SEPTIN14: variants seen among roughly 807,000 people sequenced by gnomAD.
The protein encoded by SEPTIN14 is septin-14.
A neutral mutation model predicts 53.6 loss-of-function variants in SEPTIN14; 40 were observed. The observed-to-expected ratio is 0.75, with a 90% CI of 0.58 to 0.97. The LOEUF (loss-of-function observed/expected upper bound fraction) is 0.97, where lower values mean the gene tolerates loss of function less well. Ranked by LOEUF, SEPTIN14 falls within the 50% of genes least tolerant of loss-of-function variation. The pLI, the probability that SEPTIN14 is intolerant of heterozygous loss-of-function variation, is 0.00. For missense variants in SEPTIN14, 471 were observed against 508.2 expected, an observed-to-expected ratio of 0.93 and a Z score of 0.70; for synonymous variants, 138 against 166.8, an observed-to-expected ratio of 0.83 and a Z score of 1.33.
chr7:55,842,647 T>A (rs1173531527), intron 5 of SEPTIN14, among the ~76,000 whole-genome samples: 1 of 148,672 alleles, frequency 6.7e-6, no homozygotes, highest in Non-Finnish European at 1.5e-5. Flanking sequence ...GCACGGTGGC[T>A]CACACCTGTA....
chr7:55,810,306 T>G (rs1788678715), intron 7 of SEPTIN14, among the ~76,000 whole-genome samples: 1 of 152,110 alleles, frequency 6.6e-6, no homozygotes, highest in African/African-American at 2.4e-5. Flanking sequence ...CCTTGTGTTA[T>G]TTGTTTTCTT....
intron 6 of SEPTIN14, among the ~76,000 whole-genome samples, chr7:55,834,038 T>G (rs1368852570): frequency 6.6e-6 from 1 of 151,948 alleles, no homozygotes; most frequent in Non-Finnish European, 1.5e-5. Flanking sequence ...ATAGAGAAAC[T>G]AAAGAAGTAA....
chr7:55,793,616 T>C lies in SEPTIN14; in HGVS notation c.*2297A>G, dbSNP rs1260971965. On this transcript the variant is annotated 3_prime_UTR_variant, in exon 10 of 10. Transcript: ENST00000388975. ...GCATAAAATGTAATTATAAATCTGT[T>C]AGGTGGTGTACAATGAATAAAGATA... 2 of 152,200 alleles carry C rather than the reference T, an allele frequency of 1.3e-5. No individual in the cohort carries two copies. Among genetic ancestry groups the C allele is most frequent in the African/African-American group, 2.4e-5 (1 of 41,464 alleles). 9.4% of individuals were successfully genotyped at this position (152,200 alleles called of 1,614,324 possible). A position where few individuals can be genotyped will look rare whatever the true frequency, so the allele number is the denominator to read the frequency against.
intron 9 of SEPTIN14, among the ~76,000 whole-genome samples, chr7:55,803,481 T>C (rs1467994337): frequency 6.6e-6 from 1 of 152,170 alleles, no homozygotes; most frequent in Non-Finnish European, 1.5e-5. Context: ...AGTAAATCAG[T>C]ACAGCTATTA....
At chr7:55,842,548 A>T (rs1201172774) in intron 5 of SEPTIN14, among the ~76,000 whole-genome samples, 2 of 151,492 alleles carry the variant, frequency 1.3e-5, no homozygotes, top group Non-Finnish European at 2.9e-5. Flanking sequence ...GGCTGCAGTG[A>T]GCTATGATGA....
chr7:55,824,133 TC>T (rs1788944999), intron 6 of SEPTIN14, among the ~76,000 whole-genome samples: 1 of 152,178 alleles, frequency 6.6e-6, no homozygotes, highest in African/African-American at 2.4e-5. Flanking sequence ...ATGGAAAGAA[TC>T]AATGAGTTGA....
chr7:55,822,598 C>A (rs1788915895), intron 6 of SEPTIN14, among the ~76,000 whole-genome samples: 2 of 151,998 alleles, frequency 1.3e-5, no homozygotes, highest in East Asian at 3.8e-4. Flanking sequence ...TATGCCTACA[C>A]AAATAAAGTT....
At chr7:55,838,432 A>T (rs1171855072) in intron 5 of SEPTIN14, among the ~76,000 whole-genome samples, 1 of 150,778 alleles carries the variant, frequency 6.6e-6, no homozygotes, top group Admixed American at 6.6e-5. Flanking sequence ...GGCATCCCCC[A>T]TTTTCCACAG....
intron 5 of SEPTIN14, 138 bp from the exon 6 acceptor site, chr7:55,834,724 G>A: frequency 1.7e-6 from 1 of 580,798 alleles, no homozygotes; most frequent in Non-Finnish European, 2.9e-6. Flanking sequence ...CTCACTGCAA[G>A]CTCCGCCTCC....
Position 55,805,359 on chromosome 7 carries a change from C to G in SEPTIN14, c.1018G>C (p.Glu340Gln). The G allele has an allele frequency of 6.3e-7, 1 of 1,595,080 alleles. No homozygotes were observed. The highest frequency in any genetic ancestry group is 8.5e-7 in the Non-Finnish European group (1 of 1,171,066). Residue 340 changes from glutamate to glutamine, a missense_variant, in exon 9 of 10, where the codon GAG (glutamate) becomes CAG (glutamine). Physicochemically the swap from Glu to Gln is conservative, Grantham distance 29. Coordinates refer to ENST00000388975, the MANE Select transcript of SEPTIN14 (RefSeq NM_207366.3). Reference protein sequence around the residue: ...FQEIFEAKRQEFYDQCQREEE... With the variant: ...FQEIFEAKRQQFYDQCQREEE... ...TCCCTCTGACATTGATCATAGAACT[C>G]TTGTCTTTTGGCTTCAAAGATTTCT...
At chr7:55,803,742 A>C (rs1788561510) in intron 9 of SEPTIN14, among the ~76,000 whole-genome samples, 1 of 152,164 alleles carries the variant, frequency 6.6e-6, no homozygotes, top group Admixed American at 6.6e-5. Context: ...GTACAGGAAT[A>C]AGGTTCATAA....
chr7:55,835,574 A>C (rs544155714), intron 5 of SEPTIN14, among the ~76,000 whole-genome samples: 7 of 152,212 alleles, frequency 4.6e-5, no homozygotes, highest in African/African-American at 1.4e-4. Context: ...ACTTTCCTCA[A>C]AATTGTGGAA....
chr7:55,822,856 CAA>C (rs148179709), intron 6 of SEPTIN14, among the ~76,000 whole-genome samples: 179 of 104,386 alleles, frequency 1.7e-3, no homozygotes, highest in East Asian at 3.2e-3. Context: ...CAGGGGAAAG[CAA>C]AAAAAAAAAA....
intron 6 of SEPTIN14, among the ~76,000 whole-genome samples, chr7:55,825,010 G>A (rs2116008520): frequency 6.6e-6 from 1 of 152,198 alleles, no homozygotes; most frequent in Non-Finnish European, 1.5e-5. Flanking sequence ...ATCCAAATAA[G>A]TTGAAAACTT....
chr7:55,843,658 C>A (rs1418845473), intron 4 of SEPTIN14, among the ~76,000 whole-genome samples: 1 of 152,046 alleles, frequency 6.6e-6, no homozygotes, highest in Non-Finnish European at 1.5e-5. Flanking sequence ...ACGGTGAAAC[C>A]CTGTCTCTGC....
At chr7:55,826,051 G>A (rs113507530) in intron 6 of SEPTIN14, among the ~76,000 whole-genome samples, 6,233 of 151,110 alleles carry the variant, frequency 0.041, 193 homozygotes, top group Non-Finnish European at 0.064. Context: ...GCAGTGAGCC[G>A]AGATCGAGCC....
chr7:55,812,022 T>C (rs550005596), intron 7 of SEPTIN14, among the ~76,000 whole-genome samples: 1 of 152,126 alleles, frequency 6.6e-6, no homozygotes, highest in Admixed American at 6.5e-5. Flanking sequence ...CTCAAGCTCC[T>C]GGCCTCAAGT....
At chr7:55,840,551 C>T (rs897331423) in intron 5 of SEPTIN14, among the ~76,000 whole-genome samples, 1 of 152,046 alleles carries the variant, frequency 6.6e-6, no homozygotes, top group Non-Finnish European at 1.5e-5. Flanking sequence ...TGTGAGAACA[C>T]AGAGATAAGG....
chr7:55,797,913 C>G (rs115596910), intron 9 of SEPTIN14: 1 of 153,496 alleles, frequency 6.5e-6, no homozygotes, highest in Non-Finnish European at 1.4e-5. Flanking sequence ...ACAACAACAA[C>G]AAAAAACTTG....
Sources: gnomAD v4.1 joint callset for allele counts (sites outside exome capture counted in the v4.1 genomes callset) on GRCh38, gnomAD v4.1.1 for gene constraint, MANE v1.5 for transcripts, NCBI Gene and HGNC (gene_info 2026-07-23, HGNC 2026-07-21) for gene names.